Variants in BNIP2 observed in about 807,000 individuals in gnomAD.
BNIP2 encodes BCL2/adenovirus E1B 19 kDa protein-interacting protein 2.
BNIP2 carries 36 observed loss-of-function variants against 43.4 expected under a neutral mutation model. The observed-to-expected ratio is 0.83, with a 90% CI of 0.64 to 1.10. BNIP2 has a LOEUF of 1.10. Among genes scored for constraint, BNIP2 ranks in the 50% least tolerant of loss-of-function variants. The pLI, the probability that BNIP2 is intolerant of heterozygous loss-of-function variation, is 0.00. For missense variants in BNIP2, 417 were observed against 374.1 expected (o/e 1.11, Z -0.95); for synonymous variants, 146 against 121.0 (o/e 1.21, Z -1.35).
At chr15:59,669,131 A>C in intron 8 of BNIP2, 141 bp from the exon 9 acceptor site, 1 of 1,024,308 alleles carries the variant, frequency 9.8e-7, no homozygotes, top group Non-Finnish European at 1.4e-6. Context: ...TGGATGTACT[A>C]ATCACCCAGG....
chr15:59,671,154 G>C (rs1892878406), intron 7 of BNIP2, 29 bp downstream of exon 7: 4 of 1,519,422 alleles, frequency 2.6e-6, no homozygotes, highest in Non-Finnish European at 3.5e-6. Flanking sequence ...AATTTTTTCA[G>C]ACTAGCTTTC....
rs1181226148 is a variant in BNIP2, at chr15:59,659,516, G to GCT, written c.*4551_*4552dup. 6.6e-6 allele frequency: 1 copy of GCT among 152,196 alleles called. No individual in the cohort carries two copies. Among genetic ancestry groups the GCT allele is most frequent in the Non-Finnish European group, 1.5e-5 (1 of 68,038 alleles). 9.4% of individuals were successfully genotyped at this position (152,196 alleles called of 1,614,324 possible). A position where few individuals can be genotyped will look rare whatever the true frequency, so the allele number is the denominator to read the frequency against. On this transcript the variant is annotated 3_prime_UTR_variant, in exon 10 of 10. Transcript: ENST00000607373. Reference sequence around the variant, plus strand: ...GTTCTGTGTGAATAGTGCTCCAAGGGCTGTGCAAGTCAGTGGCCCTGAACA... The same window carrying GCT: ...GTTCTGTGTGAATAGTGCTCCAAGGGCTCTGTGCAAGTCAGTGGCCCTGAACA...
In BNIP2 at chr15:59,678,097, TAC is replaced by T. The variant is rs778545626; in HGVS notation, c.296-12_296-11del. The T allele has an allele frequency of 1.3e-6, 2 of 1,598,588 alleles. No individual in the cohort carries two copies. The highest frequency in any genetic ancestry group is 2.7e-5 in the African/African-American group (2 of 74,100). ...GGTTTTGGAAGATCATCTGTCAAAA[TAC>T]AAAGTTTTTGAATCACAAATTGTTA... On this transcript the variant is annotated splice_polypyrimidine_tract_variant and intron_variant, in intron 4 of 9. Coordinates refer to ENST00000607373, the MANE Select transcript of BNIP2 (RefSeq NM_004330.4).
chr15:59,666,950 A>G (rs1285653281), intron 9 of BNIP2, among the ~76,000 whole-genome samples: 2 of 152,196 alleles, frequency 1.3e-5, no homozygotes, highest in East Asian at 3.8e-4. Flanking sequence ...TTTTTTAAAA[A>G]GGCTTAATAC....
chr15:59,673,590 T>A (rs1301939108), intron 5 of BNIP2, among the ~76,000 whole-genome samples: 1 of 152,132 alleles, frequency 6.6e-6, no homozygotes, highest in African/African-American at 2.4e-5. Flanking sequence ...CATGCCTGGT[T>A]AACCTTTATA....
intron 9 of BNIP2, 47 bp downstream of exon 9, chr15:59,668,839 GCACATC>G (rs1289863892): frequency 1.4e-6 from 2 of 1,429,314 alleles, no homozygotes; most frequent in Non-Finnish European, 2.0e-6. Flanking sequence ...ATTATCCATT[GCACATC>G]AAAATGTTAA....
Position 59,671,449 on chromosome 15 carries a change from T to A in BNIP2, c.576-135A>T, listed in dbSNP as rs183795937. On this transcript the variant is annotated intron_variant, in intron 6 of 9. Coordinates refer to ENST00000607373, the MANE Select transcript of BNIP2 (RefSeq NM_004330.4). ...AACAATGAAAATGCTCAAACCGCATTAGCTAGTATTACGATTATCTTATTT... is the reference window on the plus strand; with the variant it reads ...AACAATGAAAATGCTCAAACCGCATAAGCTAGTATTACGATTATCTTATTT... 7.2e-5 allele frequency: 45 copies of A among 623,354 alleles called. No homozygotes were observed. In the African/African-American group the frequency reaches 8.1e-4, roughly 11 times the overall value. 38.6% of individuals were successfully genotyped at this position (623,354 alleles called of 1,614,324 possible).
intron 9 of BNIP2, chr15:59,668,267 G>C (rs774777343): frequency 1.4e-5 from 6 of 431,496 alleles, no homozygotes; most frequent in Non-Finnish European, 2.4e-5. Context: ...ACATGATGTA[G>C]AAAGTAAAAA....
chr15:59,674,113 CA>C (rs1214561348), intron 5 of BNIP2, among the ~76,000 whole-genome samples: 5 of 122,364 alleles, frequency 4.1e-5, no homozygotes, highest in African/African-American at 1.4e-4. Context: ...AAAACAAAAA[CA>C]AAAAAACAAA....
chr15:59,687,328 G>T (rs1595711274), intron 1 of BNIP2, among the ~76,000 whole-genome samples: 1 of 150,118 alleles, frequency 6.7e-6, no homozygotes, highest in Admixed American at 6.7e-5. Flanking sequence ...TACTTCATAG[G>T]ATGTAACATG....
chr15:59,671,219 C>T lies in BNIP2; in HGVS notation c.671G>A (p.Gly224Glu). ...TTGCTGATAACATTTCCTGAGCCAT[C>T]CCAGACTGGGCATTTTTCTTCGAGT... ...ATTRRKMPSLGWLRKCYQQID... is the reference protein window; with the variant it reads ...ATTRRKMPSLEWLRKCYQQID... The change falls in exon 7 of 10, where the codon GGA (glycine) becomes GAA (glutamate). Residue 224 changes from glycine to glutamate, a missense_variant. By Grantham distance (98) the Gly-to-Glu change is moderately conservative. Transcript: ENST00000607373. 1 of 1,602,288 alleles carries T rather than the reference C, an allele frequency of 6.2e-7. No individual in the cohort carries two copies. Among genetic ancestry groups the T allele is most frequent in the Non-Finnish European group, 8.5e-7 (1 of 1,173,574 alleles).
At chr15:59,679,551 T>A in intron 4 of BNIP2, 41 bp downstream of exon 4, 1 of 1,566,986 alleles carries the variant, frequency 6.4e-7, no homozygotes, top group Non-Finnish European at 8.7e-7. Flanking sequence ...AATCCCTTAG[T>A]ACATTAATAA....
rs2141976141 is a variant in BNIP2, at chr15:59,659,785, C to T, written c.*4284G>A. The T allele has an allele frequency of 6.6e-6, 1 of 152,256 alleles. No individual in the cohort carries two copies. The highest frequency in any genetic ancestry group is 2.4e-5 in the African/African-American group (1 of 41,540). 9.4% of individuals were successfully genotyped at this position (152,256 alleles called of 1,614,324 possible). On this transcript the variant is annotated 3_prime_UTR_variant, in exon 10 of 10. Transcript: ENST00000607373. ...TAATTTGAAAGCACGAAATGATTTT[C>T]ATTTGGTGCTTACGTGCTTTATGTG...
chr15:59,680,321 G>T lies in BNIP2; in HGVS notation c.51-13C>A. 6.3e-7 allele frequency: 1 copy of T among 1,580,038 alleles called. No individual in the cohort carries two copies. On this transcript the variant is annotated splice_polypyrimidine_tract_variant and intron_variant, in intron 2 of 9. Transcript: ENST00000607373. ...TTCTGGTAAAGGTCTAGAAGACACA[G>T]GCATACTTTTTAATCCAGAAATTAA...
chr15:59,669,155 C>A lies in BNIP2; in HGVS notation c.794+121G>T, dbSNP rs1892745046. ...TAATCACCCAGGTTTGATCATTATA[C>A]AATGTATACACATATCAAAATATAG... On this transcript the variant is annotated intron_variant, in intron 8 of 9. Coordinates refer to ENST00000607373, the MANE Select transcript of BNIP2 (RefSeq NM_004330.4). The A allele has an allele frequency of 5.9e-6, 6 of 1,011,124 alleles. No homozygotes were observed. In the African/African-American group the frequency reaches 8.2e-5, roughly 14 times the overall value. The allele number at this position is 1,011,124 out of a possible 1,614,324, so 62.6% of individuals were successfully genotyped here.
chr15:59,676,585 G>C (rs560981150), intron 5 of BNIP2, among the ~76,000 whole-genome samples: 3 of 152,226 alleles, frequency 2.0e-5, no homozygotes, highest in African/African-American at 7.2e-5. Context: ...CTTTAAACCT[G>C]TCATGTTTCT....
intron 8 of BNIP2, 129 bp downstream of exon 8, chr15:59,669,147 T>A (rs1219636049): frequency 8.7e-6 from 9 of 1,036,774 alleles, no homozygotes; most frequent in Non-Finnish European, 1.3e-5. Context: ...CCAGGTTTGA[T>A]CATTATACAA....
chr15:59,686,971 T>C (rs1421750659), intron 1 of BNIP2, among the ~76,000 whole-genome samples: 2 of 152,168 alleles, frequency 1.3e-5, no homozygotes, highest in Non-Finnish European at 2.9e-5. Flanking sequence ...GAGCCGAGAT[T>C]GCGCCATTGC....
intron 4 of BNIP2, chr15:59,678,372 A>G (rs1893445394): frequency 1.8e-6 from 2 of 1,129,458 alleles, no homozygotes; most frequent in Non-Finnish European, 2.2e-6. Flanking sequence ...TTGTAGAGTC[A>G]TCAAAATCTT....
Sources: allele counts gnomAD v4.1 joint callset (sites outside exome capture counted in the v4.1 genomes callset), GRCh38; gene constraint gnomAD v4.1.1; transcripts MANE v1.5; gene names NCBI Gene and HGNC (gene_info 2026-07-23, HGNC 2026-07-21).